Variants in PCDH7 observed in about 807,000 individuals in gnomAD.
PCDH7 encodes protocadherin-7.
In PCDH7, 17 loss-of-function variants were observed where a neutral mutation model predicts 58.9. That is an observed-to-expected ratio of 0.29 (90% CI 0.20 to 0.43). PCDH7 has a LOEUF of 0.43. PCDH7 is among the 20% of genes least tolerant of loss of function. The pLI is 1.00. For missense variants in PCDH7, 1,274 were observed against 1,441.0 expected, an observed-to-expected ratio of 0.88 and a Z score of 1.88; for synonymous variants, 664 against 616.4, an observed-to-expected ratio of 1.08 and a Z score of -1.14.
At chr4:31,016,882 T>C (rs1753655976) in intron 3 of PCDH7, among the ~76,000 whole-genome samples, 2 of 146,682 alleles carry the variant, frequency 1.4e-5, no homozygotes, top group African/African-American at 5.0e-5. Context: ...TGTGTGTGCA[T>C]ATGTGTGTGT....
chr4:30,871,836 T>A (rs542788031), intron 1 of PCDH7, among the ~76,000 whole-genome samples: 1 of 152,080 alleles, frequency 6.6e-6, no homozygotes, highest in Non-Finnish European at 1.5e-5. Context: ...CACCCCATCC[T>A]TGCTGATGGT....
At chr4:30,944,057 A>C (rs2109439539) in intron 2 of PCDH7, among the ~76,000 whole-genome samples, 1 of 152,220 alleles carries the variant, frequency 6.6e-6, no homozygotes, top group African/African-American at 2.4e-5. Context: ...GGCAGTTCTT[A>C]AAGCCAAGTG....
chr4:30,840,757 G>A (rs1191203532), intron 1 of PCDH7, among the ~76,000 whole-genome samples: 1 of 152,168 alleles, frequency 6.6e-6, no homozygotes, highest in East Asian at 1.9e-4. Context: ...CATTACAAAA[G>A]CCTCCCAGTG....
Position 30,864,998 on chromosome 4 carries a change from AT to A in PCDH7, c.71-55151del, listed in dbSNP as rs549722854. 9.3e-4 allele frequency among the ~76,000 whole-genome samples: 142 copies of A among 152,158 alleles called. 2 individuals are homozygous for A. Among genetic ancestry groups the A allele is most frequent in the Non-Finnish European group, 1.3e-3 (87 of 67,992 alleles). ...TTTCACAACAAAATGAGCTCATGTG[AT>A]TTTAGAACACTTGATTAAGATGAAG... On this transcript the variant is annotated intron_variant, in intron 1 of 3. Coordinates refer to the PCDH7 transcript ENST00000509759.
chr4:31,084,663 A>G (rs1020254695), intron 3 of PCDH7, among the ~76,000 whole-genome samples: 1 of 131,244 alleles, frequency 7.6e-6, no homozygotes, highest in East Asian at 2.5e-4. Context: ...AGAAAGAGAG[A>G]GAGAGAGAGA....
At chr4:31,080,769 T>C (rs1354661561) in intron 3 of PCDH7, among the ~76,000 whole-genome samples, 1 of 152,204 alleles carries the variant, frequency 6.6e-6, no homozygotes, top group African/African-American at 2.4e-5. Flanking sequence ...GGTTTGGCTG[T>C]GTCCCAACCC....
At chr4:30,786,741 G>C (rs1306660255) in intron 1 of PCDH7, 1 of 983,382 alleles carries the variant, frequency 1.0e-6, no homozygotes, top group Non-Finnish European at 1.2e-6. Flanking sequence ...ATACAGTGCA[G>C]ACCATGAACC....
chr4:30,981,466 T>C (rs1406966116), intron 3 of PCDH7, among the ~76,000 whole-genome samples: 1 of 152,162 alleles, frequency 6.6e-6, no homozygotes, highest in African/African-American at 2.4e-5. Flanking sequence ...TTGAGCTGCA[T>C]GAAAAAATAT....
chr4:31,020,911 A>G (rs1277403583), intron 3 of PCDH7, among the ~76,000 whole-genome samples: 1 of 152,104 alleles, frequency 6.6e-6, no homozygotes, highest in Non-Finnish European at 1.5e-5. Context: ...ATCCAAATTG[A>G]TTTATTTTTT....
intron 1 of PCDH7, among the ~76,000 whole-genome samples, chr4:30,750,115 A>T (rs1040789288): frequency 6.6e-6 from 1 of 152,188 alleles, no homozygotes; most frequent in Non-Finnish European, 1.5e-5. Flanking sequence ...CATAGAATGT[A>T]GATAATGCCA....
chr4:31,103,409 G>A (rs1210432757), intron 3 of PCDH7, among the ~76,000 whole-genome samples: 2 of 151,790 alleles, frequency 1.3e-5, no homozygotes, highest in East Asian at 1.9e-4. Flanking sequence ...GCGTGATCTC[G>A]GCTCACTGCA....
intron 3 of PCDH7, among the ~76,000 whole-genome samples, chr4:31,097,593 T>G: frequency 5.4e-5 from 1 of 18,642 alleles, no homozygotes; most frequent in Non-Finnish European, 8.2e-5. Flanking sequence ...TATACATATA[T>G]ATATATATAT....
chr4:30,730,984 C>T, exon 2 of PCDH7: 1 of 1,265,322 alleles, frequency 7.9e-7, no homozygotes, highest in Non-Finnish European at 9.9e-7. Flanking sequence ...ATGTATGAAA[C>T]AGTATTAATG....
chr4:30,897,494 C>T (rs1476959705), intron 1 of PCDH7, among the ~76,000 whole-genome samples: 1 of 151,718 alleles, frequency 6.6e-6, no homozygotes, highest in Admixed American at 6.6e-5. Context: ...ATGACAATTG[C>T]CTTTGTTAAT....
rs1249876227 is a variant in PCDH7 at position 30,722,973 on chromosome 4, C to T, written c.1551C>T (p.Ser517=). ...ACTCAGGCAGCCCCAGCCTCTCGAG[C>T]AACAACTCCCTGATTGTCAAGGTGG... is the stretch of plus-strand genomic sequence containing the variant. Residue 517 remains serine (S), a synonymous_variant, in exon 1 of 2, where the codon AGC becomes AGT. Coordinates refer to ENST00000361762, the Ensembl canonical transcript of PCDH7. The surrounding 1 kb of genome is among the most constrained non-coding windows in gnomAD (Gnocchi z 7.6). 1.2e-6 allele frequency: 2 copies of T among 1,613,790 alleles called. No homozygotes were observed. Among genetic ancestry groups the T allele is most frequent in the Non-Finnish European group, 8.5e-7 (1 of 1,180,042 alleles).
At chr4:31,014,843 T>TA (rs1753483394) in intron 3 of PCDH7, among the ~76,000 whole-genome samples, 1 of 152,160 alleles carries the variant, frequency 6.6e-6, no homozygotes, top group Non-Finnish European at 1.5e-5. Context: ...TTCTCTCACT[T>TA]GATTTTAAGT....
Position 30,755,943 on chromosome 4 carries a change from G to A in PCDH7, c.70+31347G>A, listed in dbSNP as rs182483691. On this transcript the variant is annotated intron_variant, in intron 1 of 3. Coordinates refer to the PCDH7 transcript ENST00000509759. ...CCAATACAAAAATTAGCTGGGTGTGGTGGCGTGCACCTGTAGTCCCATCTA... is the reference window on the plus strand; with the variant it reads ...CCAATACAAAAATTAGCTGGGTGTGATGGCGTGCACCTGTAGTCCCATCTA... Among the ~76,000 whole-genome samples the A allele has an allele frequency of 1.2e-4, 18 of 152,188 alleles. No individual in the cohort carries two copies. In the East Asian group the frequency reaches 3.5e-3, roughly 30 times the overall value.
At chr4:30,995,777 C>G (rs143626410) in intron 3 of PCDH7, among the ~76,000 whole-genome samples, 2 of 151,990 alleles carry the variant, frequency 1.3e-5, no homozygotes, top group African/African-American at 4.8e-5. Context: ...TGCTAGTGGC[C>G]CCATTTTTCT....
chr4:31,142,389 A>G, intron 3 of PCDH7, 84 bp from the exon 3 acceptor site: 9 of 1,123,764 alleles, frequency 8.0e-6, no homozygotes, highest in Non-Finnish European at 1.1e-5. Flanking sequence ...GAATATATTT[A>G]TATATTTCCT....
Sources: gnomAD v4.1 joint callset for allele counts (sites outside exome capture counted in the v4.1 genomes callset) on GRCh38, gnomAD v4.1.1 for gene constraint, Gnocchi (gnomAD v3.1) non-coding constraint, MANE v1.5 for transcripts, NCBI Gene and HGNC (gene_info 2026-07-23, HGNC 2026-07-21) for gene names.